ANO4: variants seen among roughly 807,000 people sequenced by gnomAD.
The protein encoded by ANO4 is anoctamin-4.
ANO4 carries 69 observed loss-of-function variants against 141.9 expected under a neutral mutation model. That is an observed-to-expected ratio of 0.49 (90% confidence interval 0.40 to 0.59). The LOEUF is 0.59. Among genes scored for constraint, ANO4 ranks in the 20% least tolerant of loss-of-function variants. The pLI is 0.00. For synonymous variants in ANO4, 350 were observed against 394.3 expected, an observed-to-expected ratio of 0.89 and a Z score of 1.33; for missense variants, 894 against 1,162.2, an observed-to-expected ratio of 0.77 and a Z score of 3.36.
intron 10 of ANO4, among the ~76,000 whole-genome samples, chr12:101,039,521 A>T (rs2047332661): frequency 6.6e-6 from 1 of 152,192 alleles, no homozygotes; most frequent in South Asian, 2.1e-4. Context: ...TAAACAAATA[A>T]ATAAATAAAA....
intron 5 of ANO4, among the ~76,000 whole-genome samples, chr12:100,950,293 T>A (rs2042917115): frequency 6.6e-6 from 1 of 152,166 alleles, no homozygotes; most frequent in South Asian, 2.1e-4. Context: ...CTCCACTCAA[T>A]CTTCTTATAT....
At chr12:101,010,407 C>G (rs1269942395) in intron 8 of ANO4, among the ~76,000 whole-genome samples, 1 of 152,164 alleles carries the variant, frequency 6.6e-6, no homozygotes, top group Non-Finnish European at 1.5e-5. Context: ...ATTTCAGTAA[C>G]CTGTCATCCT....
At chr12:100,804,708 C>T (rs7489263) in intron 1 of ANO4, among the ~76,000 whole-genome samples, 28,839 of 152,140 alleles carry the variant, frequency 0.19, 3,057 homozygotes, top group African/African-American at 0.29. Flanking sequence ...ATCAGCGATG[C>T]TGAGTTTTTT....
chr12:100,805,609 T>C (rs573388390), intron 1 of ANO4, among the ~76,000 whole-genome samples: 1 of 152,288 alleles, frequency 6.6e-6, no homozygotes, highest in South Asian at 2.1e-4. Flanking sequence ...TACCTATCCA[T>C]TTGTTTGTGT....
intron 24 of ANO4, among the ~76,000 whole-genome samples, chr12:101,115,356 G>A (rs1036526422): frequency 2.6e-5 from 4 of 152,086 alleles, no homozygotes; most frequent in Non-Finnish European, 4.4e-5. Context: ...AGGAGTCTGA[G>A]GTGGGAGGAT....
At chr12:100,765,863 GTT>G (rs552767520) in intron 3 of ANO4, among the ~76,000 whole-genome samples, 13 of 145,520 alleles carry the variant, frequency 8.9e-5, no homozygotes, top group Middle Eastern at 3.6e-3. Context: ...ACCTCAACTA[GTT>G]TTTTTTTTTT....
intron 26 of ANO4, among the ~76,000 whole-genome samples, chr12:101,122,070 A>G (rs923968704): frequency 1.3e-5 from 2 of 152,008 alleles, no homozygotes; most frequent in African/African-American, 4.8e-5. Context: ...CTTTCTAATA[A>G]AAGCCGTACT....
At chr12:100,931,524 A>G (rs975144410) in intron 3 of ANO4, among the ~76,000 whole-genome samples, 5 of 152,296 alleles carry the variant, frequency 3.3e-5, no homozygotes, top group Admixed American at 3.3e-4. Context: ...TACTAGCTGC[A>G]TGGCCACACT....
chr12:100,816,096 A>G (rs1222484051), intron 1 of ANO4, among the ~76,000 whole-genome samples: 1 of 152,108 alleles, frequency 6.6e-6, no homozygotes, highest in Admixed American at 6.6e-5. Context: ...AAAGCATTTA[A>G]AATATATAAC....
intron 2 of ANO4, among the ~76,000 whole-genome samples, chr12:100,738,071 A>G (rs1389122563): frequency 1.3e-5 from 2 of 152,198 alleles, no homozygotes; most frequent in East Asian, 1.9e-4. Context: ...TTAGCCATGT[A>G]TGAGAGATTT....
intron 8 of ANO4, among the ~76,000 whole-genome samples, chr12:101,011,659 A>C (rs1786100796): frequency 6.6e-6 from 1 of 152,152 alleles, no homozygotes; most frequent in Admixed American, 6.5e-5. Context: ...GAACAACAAG[A>C]AGACTGTAGC....
At chr12:100,859,855 A>G (rs775061691) in intron 1 of ANO4, among the ~76,000 whole-genome samples, 14 of 152,148 alleles carry the variant, frequency 9.2e-5, no homozygotes, top group Non-Finnish European at 1.8e-4. Flanking sequence ...CATGAGAGGT[A>G]CTGAATAAAT....
chr12:100,975,089 G>A (rs2044104267), intron 7 of ANO4, among the ~76,000 whole-genome samples, 200 bp downstream of exon 7: 1 of 152,036 alleles, frequency 6.6e-6, no homozygotes, highest in Admixed American at 6.6e-5. Flanking sequence ...CGTCTTCCCA[G>A]TAACTTCTTC....
chr12:101,128,330 T>C lies in ANO4; in HGVS notation c.*474T>C, dbSNP rs186029508. ...CAGACAAGACCCTGTTTACAACTTT[T>C]TCTTTCCTTTTTTTTAATTTTAGAC... On this transcript the variant is annotated 3_prime_UTR_variant, in exon 28 of 28. Coordinates refer to ENST00000392977, the MANE Select transcript of ANO4 (RefSeq NM_001286615.2). 6.5e-5 allele frequency: 10 copies of C among 152,776 alleles called. No homozygotes were observed. In the East Asian group the frequency reaches 1.7e-3, roughly 27 times the overall value. The allele number at this position is 152,776 out of a possible 1,614,324, so 9.5% of individuals were successfully genotyped here.
At chr12:101,088,470 TTTCTTTTGGAATGTAGGCCCA>T (rs1328211279) in intron 17 of ANO4, among the ~76,000 whole-genome samples, 1 of 152,186 alleles carries the variant, frequency 6.6e-6, no homozygotes, top group Non-Finnish European at 1.5e-5. Flanking sequence ...TTATCTGCCA[TTTCTTTTGGAATGTAGGCCCA>T]TAAGGGCAGA....
chr12:100,766,902 A>G (rs897849371), intron 3 of ANO4, among the ~76,000 whole-genome samples: 23 of 152,148 alleles, frequency 1.5e-4, no homozygotes, highest in African/African-American at 5.5e-4. Flanking sequence ...AGCACTGGGT[A>G]CATATATATT....
At position 100,924,811 on chromosome 12, in the gene ANO4, GT is replaced by G. The variant is rs544258292; in HGVS notation, c.160+2482del. On this transcript the variant is annotated intron_variant, in intron 3 of 27. Coordinates refer to ENST00000392977, the MANE Select transcript of ANO4 (RefSeq NM_001286615.2). ...CTAGAGGTGAACTTAAATTTAAGGA[GT>G]GGGGGCTAGAATGAACTTGCATCAG... is the stretch of plus-strand genomic sequence containing the variant. Among the ~76,000 whole-genome samples, 4 of 152,138 alleles carry G rather than the reference GT, an allele frequency of 2.6e-5. No individual in the cohort carries two copies. The South Asian group carries it at 8.3e-4, about 32-fold the overall frequency.
chr12:100,985,142 A>G (rs1340429653), intron 7 of ANO4, among the ~76,000 whole-genome samples: 1 of 152,236 alleles, frequency 6.6e-6, no homozygotes, highest in African/African-American at 2.4e-5. Context: ...AGGCAATCAA[A>G]TGAAATAAAG....
intron 22 of ANO4, among the ~76,000 whole-genome samples, chr12:101,106,461 C>CA (rs890968854): frequency 4.7e-5 from 7 of 149,610 alleles, no homozygotes; most frequent in Non-Finnish European, 1.0e-4. Flanking sequence ...ATGAACAGGG[C>CA]AAAAAAATTG....
Sources: allele counts gnomAD v4.1 joint callset (sites outside exome capture counted in the v4.1 genomes callset), GRCh38; gene constraint gnomAD v4.1.1; transcripts MANE v1.5; gene names NCBI Gene and HGNC (gene_info 2026-07-23, HGNC 2026-07-21).